LARGE1: variants seen among roughly 807,000 people sequenced by gnomAD.
LARGE1 encodes the protein xylosyl- and glucuronyltransferase LARGE1.
A neutral mutation model predicts 87.6 loss-of-function variants in LARGE1; 43 were observed. The observed-to-expected ratio is 0.49, with a 90% CI of 0.38 to 0.63. LARGE1 has a LOEUF of 0.63. Ranked by LOEUF, LARGE1 falls within the 30% of genes least tolerant of loss-of-function variation. The pLI, the probability that LARGE1 is intolerant of heterozygous loss-of-function variation, is 0.00. For missense variants in LARGE1, 802 were observed against 1,000.2 expected (o/e 0.80, Z 2.67); for synonymous variants, 434 against 394.6 (o/e 1.10, Z -1.18).
intron 1 of LARGE1, among the ~76,000 whole-genome samples, chr22:33,919,197 C>T (rs1304795222): frequency 6.6e-6 from 1 of 151,794 alleles, no homozygotes; most frequent in African/African-American, 2.4e-5. Flanking sequence ...TCCGAAGTGA[C>T]CCATTTAAAA....
At chr22:33,170,283 C>T (rs538391076) in intron 11 of LARGE1, among the ~76,000 whole-genome samples, 10 of 152,142 alleles carry the variant, frequency 6.6e-5, no homozygotes, top group Admixed American at 6.5e-5. Flanking sequence ...GCAGGAGAAT[C>T]GCTTGAACCC....
At chr22:33,707,159 T>C (rs1269718453) in intron 2 of LARGE1, among the ~76,000 whole-genome samples, 3 of 152,144 alleles carry the variant, frequency 2.0e-5, no homozygotes, top group African/African-American at 7.2e-5. Context: ...ACTAAAGATG[T>C]GGGAGGGAAT....
chr22:33,141,171 CT>C, the LARGE1 span, among the ~76,000 whole-genome samples: 2 of 59,080 alleles, frequency 3.4e-5, no homozygotes, highest in African/African-American at 7.2e-5. Flanking sequence ...TTCTCAGAAT[CT>C]CTCTCTCTCT....
intron 1 of LARGE1, among the ~76,000 whole-genome samples, chr22:33,825,778 C>T (rs2062764313): frequency 1.3e-5 from 2 of 152,168 alleles, no homozygotes; most frequent in South Asian, 4.1e-4. Context: ...GAACGAAGCC[C>T]ACTGTGGCTT....
At chr22:33,507,853 T>C (rs909464802) in intron 6 of LARGE1, among the ~76,000 whole-genome samples, 1 of 152,152 alleles carries the variant, frequency 6.6e-6, no homozygotes, top group Non-Finnish European at 1.5e-5. Flanking sequence ...CAGAATTACA[T>C]ACCTAGGGGG....
chr22:33,860,130 A>T (rs555054736), intron 1 of LARGE1, among the ~76,000 whole-genome samples: 91 of 152,218 alleles, frequency 6.0e-4, no homozygotes, highest in African/African-American at 2.1e-3. Flanking sequence ...TTTTACAATT[A>T]AAAAATTTTA....
chr22:33,855,820 C>T (rs2063740507), intron 1 of LARGE1, among the ~76,000 whole-genome samples: 1 of 152,172 alleles, frequency 6.6e-6, no homozygotes, highest in South Asian at 2.1e-4. Flanking sequence ...AAGCCCATAC[C>T]TGCCCTCATT....
chr22:33,106,518 C>T, the LARGE1 span, among the ~76,000 whole-genome samples: 6 of 150,636 alleles, frequency 4.0e-5, no homozygotes, highest in South Asian at 2.1e-4. Flanking sequence ...TTTTTTGAGA[C>T]GGAATCTTGC....
intron 1 of LARGE1, among the ~76,000 whole-genome samples, chr22:33,776,123 T>G (rs1182520567): frequency 6.6e-6 from 1 of 152,196 alleles, no homozygotes; most frequent in Non-Finnish European, 1.5e-5. Context: ...GTGGTCATCT[T>G]TATCTTTTCC....
At chr22:33,498,471 C>T (rs889056870) in intron 6 of LARGE1, among the ~76,000 whole-genome samples, 4 of 152,112 alleles carry the variant, frequency 2.6e-5, no homozygotes, top group African/African-American at 9.7e-5. Context: ...AACGATGCTG[C>T]TATTGTTAAA....
upstream of LARGE1, among the ~76,000 whole-genome samples, chr22:33,921,090 G>GCCT (rs1360760998): frequency 1.8e-3 from 265 of 148,372 alleles, 4 homozygotes; most frequent in Non-Finnish European, 6.7e-4. This position sits in a 1 kb window ranked among gnomAD's most constrained non-coding sequence, Gnocchi z 4.1. Flanking sequence ...GCCGGCGCCC[G>GCCT]CGTCGGCGCC....
chr22:33,839,959 CCTT>C (rs2063228650), intron 1 of LARGE1, among the ~76,000 whole-genome samples: 1 of 152,144 alleles, frequency 6.6e-6, no homozygotes, highest in Admixed American at 6.5e-5. Context: ...AGCCCAGGCA[CCTT>C]CTGCTGTAGG....
At chr22:33,305,437 T>A (rs1934752649) in intron 11 of LARGE1, 2 of 205,530 alleles carry the variant, frequency 9.7e-6, no homozygotes, top group Non-Finnish European at 1.7e-5. Flanking sequence ...GATAAATCTA[T>A]AAAGATATTT....
intron 9 of LARGE1, among the ~76,000 whole-genome samples, chr22:33,347,775 T>G (rs1049683074): frequency 6.6e-6 from 1 of 152,176 alleles, no homozygotes; most frequent in Non-Finnish European, 1.5e-5. Flanking sequence ...GCCCCTCATC[T>G]GTAGAAGGGG....
exon 12 of LARGE1, chr22:33,163,604 C>A (rs138597654): frequency 6.6e-6 from 1 of 152,214 alleles, no homozygotes; most frequent in African/African-American, 2.4e-5. Context: ...CAGCTCATTG[C>A]CCCTTTACAG....
At chr22:33,416,386 T>C (rs539032822) in intron 7 of LARGE1, among the ~76,000 whole-genome samples, 1 of 152,276 alleles carries the variant, frequency 6.6e-6, no homozygotes, top group East Asian at 1.9e-4. Context: ...CACTTCCAGT[T>C]CTACCCACTT....
intron 2 of LARGE1, among the ~76,000 whole-genome samples, chr22:33,695,572 C>T (rs2082218120): frequency 6.6e-6 from 1 of 152,134 alleles, no homozygotes; most frequent in Non-Finnish European, 1.5e-5. Context: ...ACCCTCTTAC[C>T]ATATTTGCTT....
the LARGE1 span, among the ~76,000 whole-genome samples, chr22:33,089,280 G>C: frequency 2.1e-4 from 31 of 146,718 alleles, no homozygotes; most frequent in East Asian, 4.1e-4. Flanking sequence ...TCTTCTTCTT[G>C]TTCTTCTTCT....
chr22:33,104,901 T>C, the LARGE1 span, among the ~76,000 whole-genome samples: 48 of 44,888 alleles, frequency 1.1e-3, 1 homozygote, highest in South Asian at 0.015. Flanking sequence ...CTTTCTTTCT[T>C]TCTTTCTTTC....
Sources: allele counts gnomAD v4.1 joint callset (sites outside exome capture counted in the v4.1 genomes callset), GRCh38; gene constraint gnomAD v4.1.1; non-coding constraint Gnocchi (gnomAD v3.1); transcripts MANE v1.5; gene names NCBI Gene and HGNC (gene_info 2026-07-23, HGNC 2026-07-21).